The following PTPRD variants were observed in gnomAD, a reference collection of about 807,000 sequenced individuals.
PTPRD encodes the protein protein tyrosine phosphatase receptor type D.
PTPRD carries 34 observed loss-of-function variants against 214.5 expected under a neutral mutation model. The ratio of observed to expected loss-of-function variants is 0.16; its 90% confidence interval spans 0.12 to 0.21. The LOEUF (loss-of-function observed/expected upper bound fraction) is 0.21. PTPRD is among the 10% of genes least tolerant of loss of function. PTPRD has a pLI of 1.00. For missense variants in PTPRD, 2,545 were observed against 2,398.7 expected (o/e 1.06, Z -1.27); for synonymous variants, 1,128 against 845.7 (o/e 1.33, Z -5.79).
intron 35 of PTPRD, among the ~76,000 whole-genome samples, chr9:8,413,911 G>GA (rs536397070): frequency 9.9e-4 from 150 of 151,614 alleles, no homozygotes; most frequent in African/African-American, 3.4e-3. Flanking sequence ...TTAAATATTA[G>GA]AAAAAAAATC....
intron 12 of PTPRD, among the ~76,000 whole-genome samples, chr9:8,712,877 CCTGA>C (rs1460085789): frequency 6.6e-6 from 1 of 152,080 alleles, no homozygotes; most frequent in Non-Finnish European, 1.5e-5. Context: ...CGCCACCACG[CCTGA>C]CTAATTTTTG....
At chr9:9,358,146 A>G (rs997403603) in intron 9 of PTPRD, among the ~76,000 whole-genome samples, 2 of 151,274 alleles carry the variant, frequency 1.3e-5, no homozygotes, top group Non-Finnish European at 3.0e-5. Flanking sequence ...GAAACAGCAT[A>G]TTCTCCTATT....
At chr9:9,203,506 A>G (rs553455139) in intron 9 of PTPRD, among the ~76,000 whole-genome samples, 66 of 152,194 alleles carry the variant, frequency 4.3e-4, no homozygotes, top group African/African-American at 1.6e-3. Context: ...CTCTCCCTCT[A>G]TAAGTCATTA....
intron 3 of PTPRD, among the ~76,000 whole-genome samples, chr9:10,134,246 T>C (rs2154260945): frequency 6.6e-6 from 1 of 152,224 alleles, no homozygotes; most frequent in East Asian, 1.9e-4. Flanking sequence ...CTGGTGACCT[T>C]ATCTTTGGCT....
chr9:8,500,644 T>C, intron 24 of PTPRD, 110 bp downstream of exon 24: 2 of 814,560 alleles, frequency 2.5e-6, no homozygotes, highest in Non-Finnish European at 1.6e-6. Flanking sequence ...GTAACAGCAA[T>C]GCTGGGTAAA....
rs1400686173 is a variant in PTPRD at position 9,183,370 on chromosome 9, A to C, written c.-202-7T>G. On this transcript the variant is annotated splice_polypyrimidine_tract_variant and splice_region_variant and intron_variant, in intron 9 of 45. Transcript: ENST00000381196. ...GCCTCAAGAAGTTCAAAACCTAATT[A>C]TAAAGATAGAAAGTAACAATTATTT... is the stretch of plus-strand genomic sequence containing the variant. 6.6e-6 allele frequency: 1 copy of C among 151,976 alleles called. No homozygotes were observed. The highest frequency in any genetic ancestry group is 1.5e-5 in the Non-Finnish European group (1 of 67,976). The allele number at this position is 151,976 out of a possible 1,614,324, so 9.4% of individuals were successfully genotyped here. A position where few individuals can be genotyped will look rare whatever the true frequency, so the allele number is the denominator to read the frequency against.
chr9:8,822,716 G>T (rs10815962), intron 11 of PTPRD, among the ~76,000 whole-genome samples: 1 of 151,992 alleles, frequency 6.6e-6, no homozygotes, highest in East Asian at 1.9e-4. Flanking sequence ...ATTAGACATA[G>T]GAAACCAAAG....
chr9:9,769,804 C>T (rs200348334), intron 5 of PTPRD, among the ~76,000 whole-genome samples: 1 of 152,124 alleles, frequency 6.6e-6, no homozygotes, highest in Non-Finnish European at 1.5e-5. Flanking sequence ...GTTCCCCTCC[C>T]TGTGTCCATG....
At chr9:8,907,612 T>C (rs2098718126) in intron 11 of PTPRD, among the ~76,000 whole-genome samples, 2 of 150,026 alleles carry the variant, frequency 1.3e-5, no homozygotes, top group Non-Finnish European at 3.0e-5. Flanking sequence ...AAAGCAACTA[T>C]TAAAAACAAC....
chr9:8,485,557 G>C (rs2096982988), intron 28 of PTPRD: 1 of 628,114 alleles, frequency 1.6e-6, no homozygotes, highest in South Asian at 2.1e-5. Context: ...GAGGACATTG[G>C]GGTGCTGTCA....
intron 2 of PTPRD, among the ~76,000 whole-genome samples, chr9:10,582,399 T>C (rs1422179563): frequency 2.0e-5 from 3 of 152,224 alleles, no homozygotes; most frequent in African/African-American, 7.2e-5. Context: ...AAAGTTATGC[T>C]AATATCAATT....
chr9:9,343,527 G>T (rs1294394495), intron 9 of PTPRD, among the ~76,000 whole-genome samples: 1 of 152,050 alleles, frequency 6.6e-6, no homozygotes, highest in East Asian at 1.9e-4. Flanking sequence ...GCCTTCTTTT[G>T]TATATCTCTG....
At chr9:8,489,683 C>T (rs1342945727) in intron 27 of PTPRD, among the ~76,000 whole-genome samples, 1 of 152,020 alleles carries the variant, frequency 6.6e-6, no homozygotes, top group Admixed American at 6.6e-5. Flanking sequence ...GGGTTTGGGA[C>T]AGTTGTGGTA....
chr9:9,864,654 G>C (rs917513743), intron 5 of PTPRD, among the ~76,000 whole-genome samples: 6 of 151,976 alleles, frequency 3.9e-5, no homozygotes, highest in African/African-American at 1.5e-4. Context: ...ATGTAGCTGG[G>C]ACCACAGGCG....
In PTPRD at chr9:9,677,269, A is replaced by G. The variant is rs541404854; in HGVS notation, c.-287+57264T>C. ...GGGTTTTTATGGTTTTAGGTCTAAC[A>G]TTTAAGTCTTTAATCCATCTTGAGT... On this transcript the variant is annotated intron_variant, in intron 7 of 45. Transcript: ENST00000381196. Among the ~76,000 whole-genome samples, 562 of 152,146 alleles carry G rather than the reference A, an allele frequency of 3.7e-3. 2 individuals are homozygous for G. Among genetic ancestry groups the G allele is most frequent in the Non-Finnish European group, 5.9e-3 (402 of 67,978 alleles).
chr9:9,213,149 T>TAAGA (rs779792137), intron 9 of PTPRD, among the ~76,000 whole-genome samples: 98 of 152,348 alleles, frequency 6.4e-4, no homozygotes, highest in African/African-American at 2.3e-3. Flanking sequence ...GGTGCTCTTA[T>TAAGA]ATACCACTAT....
chr9:8,326,155 A>G (rs1587584633), intron 44 of PTPRD, among the ~76,000 whole-genome samples: 4 of 152,214 alleles, frequency 2.6e-5, no homozygotes, highest in Admixed American at 2.6e-4. Context: ...GCTACTTTTC[A>G]AAGGGAGTGC....
rs1181403459 is a variant in PTPRD at position 8,936,427 on chromosome 9, C to CAAAAAAAAAAAAAA, written c.-104+82256_-104+82269dup. On this transcript the variant is annotated intron_variant, in intron 11 of 45. Coordinates refer to ENST00000381196, the MANE Select transcript of PTPRD (RefSeq NM_002839.4). ...AGGCAACAGAGCAAGACCCTGCCTC[C>CAAAAAAAAAAAAAA]AAAAAAAAAAAAAAAAAAAAAAAGA... is the stretch of plus-strand genomic sequence containing the variant. Among the ~76,000 whole-genome samples the CAAAAAAAAAAAAAA allele has an allele frequency of 1.8e-3, 57 of 31,634 alleles. 3 individuals are homozygous for CAAAAAAAAAAAAAA. Among genetic ancestry groups the CAAAAAAAAAAAAAA allele is most frequent in the Admixed American group, 4.3e-3 (6 of 1,396 alleles). 20.8% of individuals were successfully genotyped at this position (31,634 alleles called of 152,430 possible). A position where few individuals can be genotyped will look rare whatever the true frequency, so the allele number is the denominator to read the frequency against.
chr9:9,614,810 T>A (rs112486096), intron 7 of PTPRD, among the ~76,000 whole-genome samples: 4,535 of 152,228 alleles, frequency 0.03, 101 homozygotes, highest in Non-Finnish European at 0.048. Context: ...TTTGAACACA[T>A]TTTTGTGGTG....
Sources: allele counts gnomAD v4.1 joint callset (sites outside exome capture counted in the v4.1 genomes callset), GRCh38; gene constraint gnomAD v4.1.1; transcripts MANE v1.5; gene names NCBI Gene and HGNC (gene_info 2026-07-23, HGNC 2026-07-21).